Variants in GPR160 observed in about 807,000 individuals in gnomAD.
GPR160 encodes probable G protein-coupled receptor 160.
A neutral mutation model predicts 2.6 loss-of-function variants in GPR160; 2 were observed. The ratio of observed to expected loss-of-function variants is 0.77; its 90% CI spans 0.32 to 2.44. GPR160 has a LOEUF of 2.44. GPR160 is among the 30% of genes most tolerant of loss of function. GPR160 has a pLI of 0.11. For synonymous variants in GPR160, 130 were observed against 132.2 expected (o/e 0.98, Z 0.12); for missense variants, 351 against 383.6 (o/e 0.91, Z 0.71).
intron 2 of GPR160, among the ~76,000 whole-genome samples, chr3:170,044,324 C>CAAAAAAAAAAAAA (rs57817027): frequency 1.1e-5 from 1 of 89,202 alleles, no homozygotes; most frequent in Admixed American, 1.4e-4. Flanking sequence ...AACTCCATCT[C>CAAAAAAAAAAAAA]AAAAAAAAAA....
chr3:170,055,046 G>T (rs1711558487), intron 2 of GPR160, among the ~76,000 whole-genome samples: 2 of 152,152 alleles, frequency 1.3e-5, no homozygotes, highest in Admixed American at 1.3e-4. Flanking sequence ...CATCTGCCTT[G>T]GCCTCCCAAA....
intron 2 of GPR160, among the ~76,000 whole-genome samples, chr3:170,071,507 T>C (rs1386434585): frequency 6.6e-6 from 1 of 152,122 alleles, no homozygotes; most frequent in Admixed American, 6.5e-5. Context: ...TAAACCTCTT[T>C]ATAGGCCAGG....
At chr3:170,064,056 C>A (rs1559987733) in intron 2 of GPR160, among the ~76,000 whole-genome samples, 1 of 152,130 alleles carries the variant, frequency 6.6e-6, no homozygotes, top group Non-Finnish European at 1.5e-5. Context: ...AAACAACTTA[C>A]ATGTACATAG....
intron 2 of GPR160, among the ~76,000 whole-genome samples, chr3:170,044,497 G>A (rs1371304016): frequency 6.6e-6 from 1 of 152,050 alleles, no homozygotes. Flanking sequence ...GCTACCCCCT[G>A]CAGTTTGACA....
intron 3 of GPR160, chr3:170,083,538 CTA>C (rs1272021745): frequency 6.5e-6 from 1 of 152,714 alleles, no homozygotes; most frequent in African/African-American, 2.4e-5. Context: ...GTTAAAAGCT[CTA>C]TGTGGTTGTT....
chr3:170,060,850 T>C (rs1476743721), intron 2 of GPR160, among the ~76,000 whole-genome samples: 1 of 152,142 alleles, frequency 6.6e-6, no homozygotes, highest in Non-Finnish European at 1.5e-5. Context: ...ACATGACCAG[T>C]AATGAGACAT....
chr3:170,065,605 T>C (rs906068363), intron 2 of GPR160, among the ~76,000 whole-genome samples: 5 of 152,256 alleles, frequency 3.3e-5, no homozygotes, highest in Non-Finnish European at 7.3e-5. Context: ...TAAAACATTT[T>C]TGAGTATGTG....
chr3:170,083,047 A>G (rs1576917908), intron 3 of GPR160, among the ~76,000 whole-genome samples: 1 of 151,764 alleles, frequency 6.6e-6, no homozygotes, highest in South Asian at 2.1e-4. Flanking sequence ...TATTGTAGAA[A>G]TAAGTTAAGT....
intron 2 of GPR160, among the ~76,000 whole-genome samples, chr3:170,039,767 A>G (rs894249028): frequency 6.6e-6 from 1 of 152,260 alleles, no homozygotes; most frequent in African/African-American, 2.4e-5. Flanking sequence ...ATTTGATGGT[A>G]TCAAGGAAAT....
intron 2 of GPR160, among the ~76,000 whole-genome samples, chr3:170,072,564 T>C (rs905938174): frequency 5.3e-5 from 8 of 152,152 alleles, no homozygotes; most frequent in Non-Finnish European, 1.0e-4. Context: ...GGCACCAGCA[T>C]CTGCTTCTGT....
intron 2 of GPR160, among the ~76,000 whole-genome samples, chr3:170,041,397 G>A (rs898722019): frequency 4.0e-5 from 6 of 151,134 alleles, no homozygotes; most frequent in Admixed American, 2.0e-4. Flanking sequence ...CACCTCCCGG[G>A]TTCACGCCAT....
intron 2 of GPR160, among the ~76,000 whole-genome samples, chr3:170,066,056 C>T (rs1712311471): frequency 1.3e-5 from 2 of 150,026 alleles, no homozygotes; most frequent in Admixed American, 1.3e-4. Flanking sequence ...GCCCAGTGCT[C>T]ACTTTTTAAG....
chr3:170,072,175 A>G (rs1218722147), intron 2 of GPR160, among the ~76,000 whole-genome samples: 1 of 149,332 alleles, frequency 6.7e-6, no homozygotes. Flanking sequence ...CCCGGGTTCA[A>G]GCGATTCTCC....
intron 2 of GPR160, among the ~76,000 whole-genome samples, chr3:170,045,506 G>A (rs1006577119): frequency 6.2e-5 from 9 of 146,024 alleles, no homozygotes; most frequent in Non-Finnish European, 8.9e-5. Flanking sequence ...GAGGAGACTC[G>A]CTTGAACCAG....
intron 2 of GPR160, among the ~76,000 whole-genome samples, chr3:170,054,816 C>T (rs1333914258): frequency 2.7e-5 from 4 of 148,038 alleles, no homozygotes; most frequent in South Asian, 2.1e-4. Context: ...TTTTTTGAGA[C>T]GAAGTCTTGC....
chr3:170,071,019 C>T (rs1210866715), intron 2 of GPR160, among the ~76,000 whole-genome samples: 1 of 152,170 alleles, frequency 6.6e-6, no homozygotes, highest in Non-Finnish European at 1.5e-5. Flanking sequence ...ACCTTTGCCC[C>T]AGCCTGGCTT....
At chr3:170,066,202 A>G (rs12637839) in intron 2 of GPR160, among the ~76,000 whole-genome samples, 50,742 of 126,896 alleles carry the variant, frequency 0.4, 10,438 homozygotes, top group East Asian at 0.71. Flanking sequence ...GTCCAGTGGC[A>G]CGATCTCGGC....
chr3:170,050,619 TC>T (rs1301827208), intron 2 of GPR160, among the ~76,000 whole-genome samples: 2 of 152,168 alleles, frequency 1.3e-5, no homozygotes, highest in African/African-American at 4.8e-5. Context: ...TACAATCAGT[TC>T]CCACCTGTAG....
intron 2 of GPR160, among the ~76,000 whole-genome samples, chr3:170,042,562 G>T (rs544423911): frequency 6.7e-6 from 1 of 150,342 alleles, no homozygotes; most frequent in Non-Finnish European, 1.5e-5. Context: ...GTGGTGGCTC[G>T]CATCTGTAAT....
Sources: allele counts gnomAD v4.1 joint callset (sites outside exome capture counted in the v4.1 genomes callset), GRCh38; gene constraint gnomAD v4.1.1; transcripts MANE v1.5; gene names NCBI Gene and HGNC (gene_info 2026-07-23, HGNC 2026-07-21).